The following EYS variants were observed in gnomAD, a reference collection of about 807,000 sequenced individuals.
EYS encodes the protein protein eyes shut homolog.
In EYS, 250 loss-of-function variants were observed where a neutral mutation model predicts 282.1. The observed-to-expected ratio is 0.89, with a 90% CI of 0.80 to 0.98. The LOEUF is 0.98. Ranked by LOEUF, EYS falls within the 50% of genes least tolerant of loss-of-function variation. The pLI is 0.00. For missense variants in EYS, 4,016 were observed against 3,709.0 expected (o/e 1.08, Z -2.15); for synonymous variants, 1,355 against 1,282.9 (o/e 1.06, Z -1.20).
At chr6:64,157,555 T>C (rs1488123543) in intron 31 of EYS, among the ~76,000 whole-genome samples, 1 of 152,114 alleles carries the variant, frequency 6.6e-6, no homozygotes, top group Non-Finnish European at 1.5e-5. Context: ...ACTGGTTTCG[T>C]GGGCCAGGTC....
chr6:63,900,202 T>C (rs1477763355), intron 35 of EYS, among the ~76,000 whole-genome samples: 1 of 152,234 alleles, frequency 6.6e-6, no homozygotes, highest in African/African-American at 2.4e-5. Context: ...TATTATTTAC[T>C]TATTTATCCT....
chr6:65,530,366 C>G (rs1767719198), intron 2 of EYS, among the ~76,000 whole-genome samples: 1 of 152,130 alleles, frequency 6.6e-6, no homozygotes, highest in Admixed American at 6.5e-5. Context: ...AGCCCACCAC[C>G]TGTCTTTGTA....
At chr6:64,081,806 C>T (rs763436353) in intron 32 of EYS, 50 bp downstream of exon 32, 74 of 1,330,356 alleles carry the variant, frequency 5.6e-5, no homozygotes, top group African/African-American at 5.3e-4. Context: ...AATAGATCAA[C>T]GTTTGAGAAA....
At position 65,068,449 on chromosome 6, in the gene EYS, C is replaced by T. The variant is rs372052593; in HGVS notation, c.2024-10722G>A. Among the ~76,000 whole-genome samples, 13 of 152,214 alleles carry T rather than the reference C, an allele frequency of 8.5e-5. No homozygotes were observed. The East Asian group carries it at 2.3e-3, about 27-fold the overall frequency. On this transcript the variant is annotated intron_variant, in intron 12 of 42. Coordinates refer to ENST00000503581, the MANE Select transcript of EYS (RefSeq NM_001142800.2). ...CCCATTACACTTTTACTTTGACCTTCAGGCCTTTGTACTATTTTTTCTTCT... is the reference window on the plus strand; with the variant it reads ...CCCATTACACTTTTACTTTGACCTTTAGGCCTTTGTACTATTTTTTCTTCT...
chr6:65,022,855 G>A (rs1336075531), intron 13 of EYS, among the ~76,000 whole-genome samples: 2 of 151,880 alleles, frequency 1.3e-5, no homozygotes, highest in East Asian at 3.9e-4. Context: ...GAGGGAGGGA[G>A]AGAATATAGA....
chr6:65,009,190 T>C (rs2349994), intron 13 of EYS, among the ~76,000 whole-genome samples: 10,284 of 151,930 alleles, frequency 0.068, 436 homozygotes, highest in East Asian at 0.13. Flanking sequence ...AACTAAGGGA[T>C]CCCACCTCCT....
At chr6:63,874,846 G>A (rs1772923794) in intron 35 of EYS, among the ~76,000 whole-genome samples, 1 of 152,196 alleles carries the variant, frequency 6.6e-6, no homozygotes, top group Non-Finnish European at 1.5e-5. Flanking sequence ...TACTGAAGTT[G>A]CTTATCAGCC....
chr6:63,919,361 C>A (rs549540056), intron 35 of EYS, among the ~76,000 whole-genome samples: 1 of 99,896 alleles, frequency 1.0e-5, no homozygotes, highest in Non-Finnish European at 1.8e-5. Flanking sequence ...TTGTTTTAGT[C>A]CAACTTCATA....
chr6:65,030,729 G>T (rs1370094915), intron 13 of EYS, among the ~76,000 whole-genome samples: 1 of 152,094 alleles, frequency 6.6e-6, no homozygotes, highest in African/African-American at 2.4e-5. Context: ...AGCCCTTCAG[G>T]GGCTGCTTTA....
At chr6:64,055,576 T>C (rs1440950524) in intron 33 of EYS, among the ~76,000 whole-genome samples, 1 of 152,152 alleles carries the variant, frequency 6.6e-6, no homozygotes, top group African/African-American at 2.4e-5. Flanking sequence ...CCTTCTTTTG[T>C]TCTATACCCA....
intron 31 of EYS, among the ~76,000 whole-genome samples, chr6:64,226,763 A>G (rs183986446): frequency 6.6e-6 from 1 of 152,214 alleles, no homozygotes; most frequent in Admixed American, 6.6e-5. Context: ...AGCTGATTGG[A>G]TGTGGATGAT....
intron 32 of EYS, among the ~76,000 whole-genome samples, chr6:64,068,926 T>C (rs1363158964): frequency 2.6e-5 from 4 of 152,066 alleles, no homozygotes; most frequent in Non-Finnish European, 4.4e-5. Flanking sequence ...TTATCCTATA[T>C]TATCTCGGTG....
Position 64,177,857 on chromosome 6 carries a change from A to C in EYS, c.6424+52735T>G, listed in dbSNP as rs74351858. 4.1e-3 allele frequency among the ~76,000 whole-genome samples: 630 copies of C among 152,242 alleles called. 5 individuals are homozygous for C. Among genetic ancestry groups the C allele is most frequent in the African/African-American group, 0.014 (596 of 41,564 alleles). On this transcript the variant is annotated intron_variant, in intron 31 of 42. Transcript: ENST00000503581. Reference sequence around the variant, plus strand: ...GATTGTCTATGTTTTATCTGTCCAGAAGGTTTTCCCCTTTTGGGGGCGACA... The same window carrying C: ...GATTGTCTATGTTTTATCTGTCCAGCAGGTTTTCCCCTTTTGGGGGCGACA...
chr6:64,983,122 G>A (rs542154678), intron 14 of EYS, among the ~76,000 whole-genome samples: 1 of 151,220 alleles, frequency 6.6e-6, no homozygotes, highest in African/African-American at 2.4e-5. Context: ...AAAAGATAAA[G>A]CGTTCATATT....
chr6:65,088,905 G>A (rs1051783803), intron 12 of EYS, among the ~76,000 whole-genome samples: 6 of 152,116 alleles, frequency 3.9e-5, no homozygotes, highest in African/African-American at 1.4e-4. Context: ...TGGCAAAAAA[G>A]GGCCAAGGTA....
chr6:64,089,140 G>T (rs1018291173), intron 31 of EYS, among the ~76,000 whole-genome samples: 1 of 151,662 alleles, frequency 6.6e-6, no homozygotes, highest in African/African-American at 2.4e-5. Flanking sequence ...AAAAAAGAAG[G>T]TGACTGAAAT....
chr6:64,484,752 G>A (rs890741667), intron 26 of EYS, among the ~76,000 whole-genome samples: 6 of 151,510 alleles, frequency 4.0e-5, no homozygotes, highest in Admixed American at 2.0e-4. Context: ...ACTTAGGACC[G>A]AGGAAAATTC....
chr6:64,693,307 A>G (rs1770465598), intron 22 of EYS, among the ~76,000 whole-genome samples: 1 of 152,012 alleles, frequency 6.6e-6, no homozygotes, highest in Admixed American at 6.6e-5. Context: ...ATTGGCAAGC[A>G]AATTCTAAAA....
At chr6:64,078,421 C>A (rs1297867039) in intron 32 of EYS, among the ~76,000 whole-genome samples, 1 of 151,996 alleles carries the variant, frequency 6.6e-6, no homozygotes, top group African/African-American at 2.4e-5. Flanking sequence ...CAGTATCTAA[C>A]TGAATTACAA....
Sources: gnomAD v4.1 joint callset for allele counts (sites outside exome capture counted in the v4.1 genomes callset) on GRCh38, gnomAD v4.1.1 for gene constraint, MANE v1.5 for transcripts, NCBI Gene and HGNC (gene_info 2026-07-23, HGNC 2026-07-21) for gene names.